STARD13: variants seen among roughly 807,000 people sequenced by gnomAD.
STARD13 encodes the protein StAR related lipid transfer domain containing 13.
A neutral mutation model predicts 106.4 loss-of-function variants in STARD13; 62 were observed. The ratio of observed to expected loss-of-function variants is 0.58; its 90% CI spans 0.48 to 0.72. STARD13 has a LOEUF of 0.72. Among genes scored for constraint, STARD13 ranks in the 30% least tolerant of loss-of-function variants. The probability of loss-of-function intolerance (pLI) is 0.00; values close to 1 mark genes in which losing one functional copy is unlikely to be tolerated. For missense variants in STARD13, 1,387 were observed against 1,424.0 expected (o/e 0.97, Z 0.42); for synonymous variants, 565 against 553.0 (o/e 1.02, Z -0.31).
the STARD13 span, among the ~76,000 whole-genome samples, chr13:33,519,653 A>AT: frequency 6.6e-6 from 1 of 151,980 alleles, no homozygotes; most frequent in African/African-American, 2.4e-5. Flanking sequence ...CCATTACATA[A>AT]TTTTTTTAGC....
chr13:33,205,393 A>C (rs1260496202), intron 1 of STARD13, among the ~76,000 whole-genome samples: 1 of 152,212 alleles, frequency 6.6e-6, no homozygotes, highest in African/African-American at 2.4e-5. Context: ...CCATGGAATT[A>C]AGCATGCTAA....
the STARD13 span, among the ~76,000 whole-genome samples, chr13:33,519,217 T>TTTCTTTCC: frequency 9.1e-6 from 1 of 109,706 alleles, no homozygotes; most frequent in Non-Finnish European, 1.9e-5. Context: ...TTTTTCTTTC[T>TTTCTTTCC]TTCTTTCTTT....
the STARD13 span, among the ~76,000 whole-genome samples, chr13:33,584,275 C>T: frequency 6.6e-6 from 1 of 152,082 alleles, no homozygotes. Context: ...CTGCAGACTA[C>T]AGGAAGCCTG....
the STARD13 span, among the ~76,000 whole-genome samples, chr13:33,371,725 C>T: frequency 6.6e-6 from 1 of 152,140 alleles, no homozygotes; most frequent in Non-Finnish European, 1.5e-5. Context: ...AGAAATAAAA[C>T]GGAGACCCTC....
At chr13:33,394,297 G>A in the STARD13 span, among the ~76,000 whole-genome samples, 54 of 152,004 alleles carry the variant, frequency 3.6e-4, no homozygotes, top group African/African-American at 1.2e-3. Flanking sequence ...ACTGTTCAGT[G>A]TGGTAACCAC....
the STARD13 span, among the ~76,000 whole-genome samples, chr13:33,404,168 C>G: frequency 6.6e-6 from 1 of 152,172 alleles, no homozygotes; most frequent in East Asian, 1.9e-4. Context: ...GTCTTAATGG[C>G]TCCTAGAATA....
the STARD13 span, chr13:33,658,493 A>G: frequency 1.3e-5 from 2 of 152,232 alleles, no homozygotes; most frequent in African/African-American, 2.4e-5. Context: ...CTTCTGGTAA[A>G]TAAGAAATCC....
rs1269828248 is a variant in STARD13 at position 33,167,707 on chromosome 13, G to A, written c.170-85C>T. 4 of 1,390,110 alleles carry A rather than the reference G, an allele frequency of 2.9e-6. No homozygotes were observed. The African/African-American group carries it at 4.3e-5, about 15-fold the overall frequency. The allele number at this position is 1,390,110 out of a possible 1,614,324, so 86.1% of individuals were successfully genotyped here. The stretch of plus-strand genomic sequence containing the variant: ...TTCTTAATCATGGAGACACTGGTGA[G>A]CTTTGTGCAAGTTATTACAAAGCAA... On this transcript the variant is annotated intron_variant, in intron 1 of 13. Coordinates refer to ENST00000336934, the MANE Select transcript of STARD13 (RefSeq NM_178006.4).
the STARD13 span, among the ~76,000 whole-genome samples, chr13:33,499,604 T>TTCTTCTTTCTTCTTC: frequency 3.5e-4 from 14 of 39,876 alleles, 1 homozygote; most frequent in Admixed American, 6.4e-4. Flanking sequence ...CTTCTTCTTC[T>TTCTTCTTTCTTCTTC]TTCTTCTTCT....
chr13:33,429,480 C>T, the STARD13 span, among the ~76,000 whole-genome samples: 2 of 151,248 alleles, frequency 1.3e-5, no homozygotes, highest in Non-Finnish European at 2.9e-5. Flanking sequence ...GCCGAGATTG[C>T]GCCACTGCAC....
intron 1 of STARD13, among the ~76,000 whole-genome samples, chr13:33,225,288 A>G (rs1029104164): frequency 1.3e-5 from 2 of 152,204 alleles, no homozygotes; most frequent in Non-Finnish European, 2.9e-5. Context: ...GACCTCAGGC[A>G]GCTGTGCAGG....
At chr13:33,176,011 G>T (rs772730367) in intron 1 of STARD13, among the ~76,000 whole-genome samples, 16 of 152,146 alleles carry the variant, frequency 1.1e-4, no homozygotes, top group Non-Finnish European at 1.9e-4. Context: ...TTAGGATAAA[G>T]TCACTCCAAT....
chr13:33,500,531 T>C, the STARD13 span, among the ~76,000 whole-genome samples: 1 of 152,322 alleles, frequency 6.6e-6, no homozygotes, highest in Non-Finnish European at 1.5e-5. Context: ...TTAATGCACC[T>C]GAACAGAATG....
At chr13:33,291,110 C>T (rs1892274968) in intron 1 of STARD13, among the ~76,000 whole-genome samples, 1 of 152,252 alleles carries the variant, frequency 6.6e-6, no homozygotes, top group African/African-American at 2.4e-5. Flanking sequence ...AACCACTCAA[C>T]TACTGCAGTA....
chr13:33,502,554 G>A, the STARD13 span, among the ~76,000 whole-genome samples: 4 of 152,100 alleles, frequency 2.6e-5, no homozygotes, highest in East Asian at 5.8e-4. Flanking sequence ...TTTGAGATAC[G>A]TCCCATCAAT....
the STARD13 span, among the ~76,000 whole-genome samples, chr13:33,492,197 G>A: frequency 1.3e-5 from 2 of 152,200 alleles, no homozygotes; most frequent in African/African-American, 2.4e-5. Context: ...CAGGCCATCT[G>A]GATGTATATG....
chr13:33,627,176 A>G, the STARD13 span, among the ~76,000 whole-genome samples: 8 of 152,230 alleles, frequency 5.3e-5, no homozygotes, highest in Non-Finnish European at 8.8e-5. Context: ...AGAATTAGTG[A>G]TATTTTGAAT....
At chr13:33,456,626 A>G in the STARD13 span, among the ~76,000 whole-genome samples, 1 of 152,094 alleles carries the variant, frequency 6.6e-6, no homozygotes, top group Non-Finnish European at 1.5e-5. Context: ...TTCTCCTTGT[A>G]AGTTTTCATT....
chr13:33,169,033 C>T (rs1308936623), intron 1 of STARD13, among the ~76,000 whole-genome samples: 1 of 152,176 alleles, frequency 6.6e-6, no homozygotes, highest in Non-Finnish European at 1.5e-5. Flanking sequence ...CTGATGATTT[C>T]AAAAGCTTGA....
Sources: gnomAD v4.1 joint callset for allele counts (sites outside exome capture counted in the v4.1 genomes callset) on GRCh38, gnomAD v4.1.1 for gene constraint, MANE v1.5 for transcripts, NCBI Gene and HGNC (gene_info 2026-07-23, HGNC 2026-07-21) for gene names.